MAST3: variants seen among roughly 807,000 people sequenced by gnomAD.
MAST3 encodes the protein microtubule associated serine/threonine kinase 3, also known as microtubule-associated serine/threonine-protein kinase 3.
MAST3 carries 43 observed loss-of-function variants against 127.0 expected under a neutral mutation model. That is an observed-to-expected ratio of 0.34 (90% CI 0.27 to 0.44). The LOEUF is 0.44. Among genes scored for constraint, MAST3 ranks in the 20% least tolerant of loss-of-function variants. The pLI is 1.00. For missense variants in MAST3, 1,390 were observed against 1,919.1 expected, an observed-to-expected ratio of 0.72 and a Z score of 5.15; for synonymous variants, 785 against 809.2, an observed-to-expected ratio of 0.97 and a Z score of 0.51.
Position 18,151,338 on chromosome 19 carries a change from T to TGAGACCCCAGCGAGGGGCG in MAST3, c.*1619_*1637dup, listed in dbSNP as rs2043507988. ...ACCTCCATTTTACAGACAAAGCAGC[T>TGAGACCCCAGCGAGGGGCG]GAGACCCCAGCGAGGGGCGGAGACC... On this transcript the variant is annotated 3_prime_UTR_variant, in exon 28 of 28. Transcript: ENST00000687212. The TGAGACCCCAGCGAGGGGCG allele has an allele frequency of 1.3e-5, 2 of 152,196 alleles. No individual in the cohort carries two copies. Among genetic ancestry groups the TGAGACCCCAGCGAGGGGCG allele is most frequent in the Admixed American group, 6.6e-5 (1 of 15,262 alleles). The allele number at this position is 152,196 out of a possible 1,614,324, so 9.4% of individuals were successfully genotyped here.
In MAST3 at chr19:18,145,066, C is replaced by T. The variant is rs1161331124; in HGVS notation, c.2876C>T (p.Ser959Leu). 3 of 1,612,592 alleles carry T rather than the reference C, an allele frequency of 1.9e-6. No individual in the cohort carries two copies. The highest frequency in any genetic ancestry group is 1.7e-6 in the Non-Finnish European group (2 of 1,179,846). Residue 959 changes from serine to leucine, a missense_variant, in exon 24 of 28, where the codon TCG becomes TTG. Ser to Leu is a moderately radical substitution (Grantham distance 145, BLOSUM62 -2). Around this residue, in one of 5 missense-constraint regions of MAST3, gnomAD observed 816 missense variants for 934.1 expected, o/e 0.87. Coordinates refer to ENST00000687212, the MANE Select transcript of MAST3 (RefSeq NM_001393504.1). The surrounding 1 kb of genome is among the most constrained non-coding windows in gnomAD (Gnocchi z 5.9). ...LSPRSLSSNP[S>L]SRDSSPSRDP... ...CCGCGCTCTCTGTCCTCGAACCCGTCGTCCCGTGACTCTTCGCCGAGCCGA... is the reference window on the plus strand; with the variant it reads ...CCGCGCTCTCTGTCCTCGAACCCGTTGTCCCGTGACTCTTCGCCGAGCCGA...
At chr19:18,130,450 G>A in intron 13 of MAST3, 44 bp from the exon 14 acceptor site, 2 of 1,530,704 alleles carry the variant, frequency 1.3e-6, no homozygotes, top group Non-Finnish European at 1.8e-6. Context: ...TGCCTGCTGG[G>A]GCCTCGATCT....
chr19:18,139,351 G>C (rs2042204256), intron 20 of MAST3, among the ~76,000 whole-genome samples: 1 of 152,026 alleles, frequency 6.6e-6, no homozygotes, highest in Admixed American at 6.6e-5. Context: ...TTGAGATGGA[G>C]TCTCGCTCTG....
At position 18,143,857 on chromosome 19, in the gene MAST3, C is replaced by T. The variant is rs1215694361; in HGVS notation, c.2434C>T (p.Leu812=). ...PSPSLLNTIS[L]DTMPKFAFSS... ...CCCATCTCTCCTGAATACCATCAGC[C>T]TGGACACAATGCCCAAGTTTGCCTT... Residue 812 remains leucine (L), a synonymous_variant, in exon 22 of 28, where the codon CTG becomes TTG. Transcript: ENST00000687212. 1.2e-6 allele frequency: 2 copies of T among 1,613,844 alleles called. No homozygotes were observed. Among genetic ancestry groups the T allele is most frequent in the Non-Finnish European group, 1.7e-6 (2 of 1,179,910 alleles).
Position 18,145,990 on chromosome 19 carries a change from A to C in MAST3, c.3162+125A>C. 8.4e-7 allele frequency: 1 copy of C among 1,195,544 alleles called. No individual in the cohort carries two copies. Among genetic ancestry groups the C allele is most frequent in the South Asian group, 1.6e-5 (1 of 62,814 alleles). The allele number at this position is 1,195,544 out of a possible 1,614,324, so 74.1% of individuals were successfully genotyped here. A position where few individuals can be genotyped will look rare whatever the true frequency, so the allele number is the denominator to read the frequency against. On this transcript the variant is annotated intron_variant, in intron 25 of 27. Transcript: ENST00000687212. The surrounding 1 kb of genome is among the most constrained non-coding windows in gnomAD (Gnocchi z 5.9). ...ATTCAATGTCAACTCCAGGCCTGGC[A>C]CATCCACTTCCTTCGGCCCAGAATA...
rs1489159518 is a variant in MAST3, at chr19:18,110,853, C to T, written c.161+112C>T. The T allele has an allele frequency of 6.5e-6, 2 of 309,300 alleles. No individual in the cohort carries two copies. The highest frequency in any genetic ancestry group is 6.5e-5 in the Admixed American group (1 of 15,438). The allele number at this position is 309,300 out of a possible 1,614,324, so 19.2% of individuals were successfully genotyped here. On this transcript the variant is annotated intron_variant, in intron 3 of 27. Coordinates refer to ENST00000687212, the MANE Select transcript of MAST3 (RefSeq NM_001393504.1). This position sits in a 1 kb window ranked among gnomAD's most constrained non-coding sequence, Gnocchi z 4.3. ...AAGATACTGCAGGTTGGTGACATCA[C>T]CTCTCTGGGCCTCAGTTTACCCCTC...
In MAST3 at chr19:18,131,866, G is replaced by T. The variant is rs937992819; in HGVS notation, c.1433-43G>T. 4.7e-6 allele frequency: 7 copies of T among 1,487,416 alleles called. 1 individual carries two copies. The Admixed American group carries it at 7.8e-5, about 17-fold the overall frequency. 92.1% of individuals were successfully genotyped at this position (1,487,416 alleles called of 1,614,324 possible). A position where few individuals can be genotyped will look rare whatever the true frequency, so the allele number is the denominator to read the frequency against. ...ATAACCTAAGGGGCGGGCGGGGGGC[G>T]GGGGTGCCCCGGGCCTCATGACTAC... On this transcript the variant is annotated intron_variant, in intron 14 of 27. Coordinates refer to ENST00000687212, the MANE Select transcript of MAST3 (RefSeq NM_001393504.1).
chr19:18,138,439 C>G (rs898082652), intron 19 of MAST3, among the ~76,000 whole-genome samples: 5 of 151,988 alleles, frequency 3.3e-5, no homozygotes, highest in Admixed American at 3.3e-4. Flanking sequence ...CCTCAGCCTC[C>G]CGAGTAGTCG....
Position 18,144,129 on chromosome 19 carries a change from G to A in MAST3, c.2584+122G>A. On this transcript the variant is annotated intron_variant, in intron 22 of 27. Coordinates refer to ENST00000687212, the MANE Select transcript of MAST3 (RefSeq NM_001393504.1). The surrounding 1 kb of genome is among the most constrained non-coding windows in gnomAD (Gnocchi z 4.0). ...AGAGCCAACAAAGGCTTTAAGAGAG[G>A]AGAAGCCAGGGTCCCAGAGAGACCC... is the stretch of plus-strand genomic sequence containing the variant. 2 of 1,361,152 alleles carry A rather than the reference G, an allele frequency of 1.5e-6. No homozygotes were observed. The highest frequency in any genetic ancestry group is 5.2e-5 in the Admixed American group (2 of 38,590). 84.3% of individuals were successfully genotyped at this position (1,361,152 alleles called of 1,614,324 possible).
intron 3 of MAST3, among the ~76,000 whole-genome samples, chr19:18,113,570 C>G (rs1310156883): frequency 6.6e-6 from 1 of 152,198 alleles, no homozygotes; most frequent in African/African-American, 2.4e-5. Context: ...AAATGATTTT[C>G]CTGCCTCAGC....
rs1248635745 is a variant in MAST3 at position 18,150,417 on chromosome 19, C to A, written c.*691C>A. 1 of 152,298 alleles carries A rather than the reference C, an allele frequency of 6.6e-6. No homozygotes were observed. The highest frequency in any genetic ancestry group is 1.5e-5 in the Non-Finnish European group (1 of 68,084). 9.4% of individuals were successfully genotyped at this position (152,298 alleles called of 1,614,324 possible). A position where few individuals can be genotyped will look rare whatever the true frequency, so the allele number is the denominator to read the frequency against. ...TGGGCTGAGAAGGATGCACTTTGGA[C>A]AAGTCATCTGTGTTTGTGTTTTCCA... On this transcript the variant is annotated 3_prime_UTR_variant, in exon 28 of 28. Transcript: ENST00000687212.
intron 13 of MAST3, chr19:18,129,224 C>T (rs2040996842): frequency 2.0e-6 from 1 of 496,324 alleles, no homozygotes; most frequent in Admixed American, 3.5e-5. Context: ...AAATAGATGC[C>T]CACCCAGTGG....
intron 13 of MAST3, 84 bp downstream of exon 13, chr19:18,129,035 C>CTGGGGTAGGAGGGGGA: frequency 8.3e-7 from 1 of 1,198,584 alleles, no homozygotes; most frequent in Non-Finnish European, 1.2e-6. Flanking sequence ...CATCCCCCTC[C>CTGGGGTAGGAGGGGGA]TACCCCAGCA....
At position 18,114,192 on chromosome 19, in the gene MAST3, C is replaced by CTTT. The variant is rs59829048; in HGVS notation, c.161+3464_161+3466dup. Among the ~76,000 whole-genome samples, 109 of 141,128 alleles carry CTTT rather than the reference C, an allele frequency of 7.7e-4. 1 individual carries two copies. The highest frequency in any genetic ancestry group is 1.7e-3 in the African/African-American group (66 of 38,248). The allele number at this position is 141,128 out of a possible 152,430, so 92.6% of individuals were successfully genotyped here. ...TCCAGACCCCAGGGATTTTCTTTTTCTTTTTTTTTTTTTTTAAGACAGTCT... is the reference window on the plus strand; with the variant it reads ...TCCAGACCCCAGGGATTTTCTTTTTCTTTTTTTTTTTTTTTTTTAAGACAGTCT... On this transcript the variant is annotated intron_variant, in intron 3 of 27. Transcript: ENST00000687212.
chr19:18,124,006 C>T lies in MAST3; in HGVS notation c.701C>T (p.Ala234Val), dbSNP rs1318661966. The T allele has an allele frequency of 3.1e-6, 5 of 1,595,966 alleles. No homozygotes were observed. The highest frequency in any genetic ancestry group is 1.1e-5 in the South Asian group (1 of 88,226). ...GCCTACGCGCCCGGCGCCCGGCTGGCGCTGGCTGATGGCGTCTTGGGCTTC... is the reference window on the plus strand; with the variant it reads ...GCCTACGCGCCCGGCGCCCGGCTGGTGCTGGCTGATGGCGTCTTGGGCTTC... Reference protein sequence around the residue: ...LTAYAPGARLALADGVLGFIH... With the variant: ...LTAYAPGARLVLADGVLGFIH... Residue 234 changes from alanine (A) to valine (V), a missense_variant, in exon 9 of 28, where the codon GCG (alanine) becomes GTG (valine). Ala to Val is a moderately conservative substitution (Grantham distance 64). Around this residue, in one of 5 missense-constraint regions of MAST3, gnomAD observed 277 missense variants for 384.8 expected, o/e 0.72. Transcript: ENST00000687212.
chr19:18,145,136 C>T lies in MAST3; in HGVS notation c.2946C>T (p.Ile982=). The change falls in exon 24 of 28, where the codon ATC becomes ATT. Residue 982 remains isoleucine, a synonymous_variant. Transcript: ENST00000687212. This position sits in a 1 kb window ranked among gnomAD's most constrained non-coding sequence, Gnocchi z 5.9. ...VCGSLRPPIV[I]HSSGKKYGFS... is the part of the protein sequence containing the mutation. ...GCAGCCTGCGGCCCCCCATCGTTAT[C>T]CACAGCTCTGGCAAGAAGTACGGCT... 6.2e-7 allele frequency: 1 copy of T among 1,613,956 alleles called. No homozygotes were observed.
intron 26 of MAST3, 55 bp downstream of exon 26, chr19:18,147,099 C>CTTTTTT (rs147946466): frequency 2.2e-4 from 198 of 893,896 alleles, no homozygotes; most frequent in Admixed American, 7.2e-4. Flanking sequence ...TTTCTTTTTC[C>CTTTTTT]TTTTTTTTTT....
At chr19:18,137,443 G>C (rs998038421) in intron 19 of MAST3, 82 bp downstream of exon 19, 6 of 1,472,490 alleles carry the variant, frequency 4.1e-6, no homozygotes, top group East Asian at 2.3e-5. Flanking sequence ...TGTGTGCCAG[G>C]CATTCCACCC....
chr19:18,113,829 C>A (rs187720927), intron 3 of MAST3, among the ~76,000 whole-genome samples: 50 of 151,556 alleles, frequency 3.3e-4, no homozygotes, highest in African/African-American at 1.1e-3. Context: ...AACTCCTGAC[C>A]TCAGGTGATC....
Sources: allele counts gnomAD v4.1 joint callset (sites outside exome capture counted in the v4.1 genomes callset), GRCh38; gene constraint gnomAD v4.1.1; regional missense constraint gnomAD v4.1.1; non-coding constraint Gnocchi (gnomAD v3.1); transcripts MANE v1.5; gene names NCBI Gene and HGNC (gene_info 2026-07-23, HGNC 2026-07-21).